Variants in TMPRSS11E observed in about 807,000 individuals in gnomAD.
The protein encoded by TMPRSS11E is transmembrane protease serine 11E.
In TMPRSS11E, 38 loss-of-function variants were observed where a neutral mutation model predicts 48.1. The observed-to-expected ratio is 0.79, with a 90% CI of 0.61 to 1.04. TMPRSS11E has a LOEUF of 1.04. Among genes scored for constraint, TMPRSS11E ranks in the 50% least tolerant of loss-of-function variants. The pLI is 0.00. For synonymous variants in TMPRSS11E, 158 were observed against 171.9 expected (o/e 0.92, Z 0.63); for missense variants, 530 against 510.8 (o/e 1.04, Z -0.36).
At chr4:68,476,133 A>G (rs1560554473) in intron 6 of TMPRSS11E, 128 bp from the exon 7 acceptor site, 3 of 1,233,444 alleles carry the variant, frequency 2.4e-6, no homozygotes, top group Non-Finnish European at 3.5e-6. Flanking sequence ...AGGTAAGAGC[A>G]TGAGAAAACA....
intron 9 of TMPRSS11E, among the ~76,000 whole-genome samples, chr4:68,479,737 A>G (rs1480652753): frequency 9.9e-5 from 15 of 151,934 alleles, no homozygotes; most frequent in Non-Finnish European, 2.1e-4. Flanking sequence ...TAATTTAGAA[A>G]ACATAAGAGG....
intron 4 of TMPRSS11E, 54 bp downstream of exon 4, chr4:68,469,000 G>T: frequency 7.8e-7 from 1 of 1,279,492 alleles, no homozygotes; most frequent in Admixed American, 1.8e-5. Context: ...CTGTTAATCT[G>T]CTCAGCAATA....
At chr4:68,458,577 A>C (rs1201500756) in intron 1 of TMPRSS11E, among the ~76,000 whole-genome samples, 6 of 152,186 alleles carry the variant, frequency 3.9e-5, no homozygotes, top group African/African-American at 1.4e-4. Context: ...GAGGAGGTTA[A>C]TTATACAAAC....
At position 68,452,233 on chromosome 4, in the gene TMPRSS11E, C is replaced by T. The variant is rs964899607; in HGVS notation, c.11+4710C>T. Among the ~76,000 whole-genome samples, 6 of 151,854 alleles carry T rather than the reference C, an allele frequency of 4.0e-5. No homozygotes were observed. The East Asian group carries it at 1.2e-3, about 29-fold the overall frequency. On this transcript the variant is annotated intron_variant, in intron 1 of 9. Transcript: ENST00000305363. ...AGAGTTAAATTAACACCGGTGGCTA[C>T]ATGACCCAAGACATATTATTGTTAT...
chr4:68,457,430 CA>C (rs1411007147), intron 1 of TMPRSS11E, among the ~76,000 whole-genome samples: 1 of 152,080 alleles, frequency 6.6e-6, no homozygotes, highest in Non-Finnish European at 1.5e-5. Context: ...GAAATAGGGA[CA>C]TTTTTACACT....
chr4:68,450,212 A>C (rs1484321176), intron 1 of TMPRSS11E, among the ~76,000 whole-genome samples: 1 of 151,878 alleles, frequency 6.6e-6, no homozygotes, highest in Non-Finnish European at 1.5e-5. Flanking sequence ...CCATATAACA[A>C]CTTTTAGTGA....
At position 68,463,042 on chromosome 4, in the gene TMPRSS11E, C is replaced by G. The variant is rs547397278; in HGVS notation, c.136+1097C>G. Among the ~76,000 whole-genome samples the G allele has an allele frequency of 3.9e-5, 6 of 152,218 alleles. No individual in the cohort carries two copies. The East Asian group carries it at 9.7e-4, about 25-fold the overall frequency. On this transcript the variant is annotated intron_variant, in intron 2 of 9. Transcript: ENST00000305363. ...ACTTGGATGTTCAAGGCACCGTAACCATAGAAGCTAATAACTTGATTCTAA... is the reference window on the plus strand; with the variant it reads ...ACTTGGATGTTCAAGGCACCGTAACGATAGAAGCTAATAACTTGATTCTAA...
At chr4:68,488,003 C>CT (rs1440908822) in intron 9 of TMPRSS11E, among the ~76,000 whole-genome samples, 1 of 147,730 alleles carries the variant, frequency 6.8e-6, no homozygotes, top group African/African-American at 2.5e-5. Flanking sequence ...TCTCTTTTGG[C>CT]TTATAAGGTT....
intron 2 of TMPRSS11E, among the ~76,000 whole-genome samples, chr4:68,465,745 C>G (rs1728909724): frequency 6.6e-6 from 1 of 152,100 alleles, no homozygotes; most frequent in African/African-American, 2.4e-5. Flanking sequence ...GTCTGCTTTC[C>G]TATAGTAACT....
At chr4:68,449,943 T>C (rs1367139955) in intron 1 of TMPRSS11E, among the ~76,000 whole-genome samples, 1 of 151,720 alleles carries the variant, frequency 6.6e-6, no homozygotes, top group Admixed American at 6.6e-5. Flanking sequence ...GAGGGGAAAC[T>C]GAGGGGGGAG....
chr4:68,471,413 TCTTC>T, intron 4 of TMPRSS11E, 43 bp from the exon 5 acceptor site: 1 of 955,120 alleles, frequency 1.0e-6, no homozygotes, highest in Non-Finnish European at 1.4e-6. Flanking sequence ...TGCCTTTCTT[TCTTC>T]TTTTCTTTTC....
At position 68,492,292 on chromosome 4, in the gene TMPRSS11E, C is replaced by T. The variant is rs1367949543; in HGVS notation, c.1111-4351C>T. On this transcript the variant is annotated intron_variant, in intron 9 of 9. Transcript: ENST00000305363. Reference sequence around the variant, plus strand: ...ACTCACTAAAATTTATTTGTAACCCCCAAATCAATACTCAAGGCACTTTTA... The same window carrying T: ...ACTCACTAAAATTTATTTGTAACCCTCAAATCAATACTCAAGGCACTTTTA... Among the ~76,000 whole-genome samples the T allele has an allele frequency of 2.0e-5, 3 of 152,136 alleles. No homozygotes were observed. The East Asian group carries it at 5.8e-4, about 29-fold the overall frequency.
At chr4:68,483,861 T>A (rs928547448) in intron 9 of TMPRSS11E, among the ~76,000 whole-genome samples, 3 of 152,210 alleles carry the variant, frequency 2.0e-5, no homozygotes, top group Admixed American at 6.5e-5. Context: ...GGCTAGCCAG[T>A]TATACCCAGC....
intron 1 of TMPRSS11E, among the ~76,000 whole-genome samples, chr4:68,456,553 A>G (rs1728637149): frequency 6.6e-6 from 1 of 152,000 alleles, no homozygotes; most frequent in East Asian, 1.9e-4. Flanking sequence ...GTCCTGTTCT[A>G]GAAAGTGTGA....
Position 68,472,273 on chromosome 4 carries a change from A to G in TMPRSS11E, c.490+650A>G, listed in dbSNP as rs1462138817. 2.6e-5 allele frequency among the ~76,000 whole-genome samples: 4 copies of G among 152,016 alleles called. No homozygotes were observed. In the East Asian group the frequency reaches 7.7e-4, roughly 29 times the overall value. On this transcript the variant is annotated intron_variant, in intron 5 of 9. Transcript: ENST00000305363. ...GTTACAGAACAATGAAGGTCTATAGAAATACTATCTGGGCACAAGTATAAT... is the reference window on the plus strand; with the variant it reads ...GTTACAGAACAATGAAGGTCTATAGGAATACTATCTGGGCACAAGTATAAT...
intron 3 of TMPRSS11E, among the ~76,000 whole-genome samples, chr4:68,468,327 C>T (rs1183738895): frequency 6.6e-6 from 1 of 152,024 alleles, no homozygotes; most frequent in Non-Finnish European, 1.5e-5. Context: ...GACTCTTTCA[C>T]TTTAGTAGAG....
At position 68,471,540 on chromosome 4, in the gene TMPRSS11E, A is replaced by G. The variant is rs1419382933; in HGVS notation, c.407A>G (p.Lys136Arg). 1.9e-6 allele frequency: 3 copies of G among 1,611,610 alleles called. No homozygotes were observed. The highest frequency in any genetic ancestry group is 1.7e-5 in the Admixed American group (1 of 59,594). ...ACTGAGGATCCTGAAACTGTAGATA[A>G]AATTGTTCAACTTGTTTTACATGAA... ...HSTEDPETVDKIVQLVLHEKL... is the reference protein window; with the variant it reads ...HSTEDPETVDRIVQLVLHEKL... Residue 136 changes from lysine to arginine, a missense_variant, in exon 5 of 10, where the codon AAA becomes AGA. By Grantham distance (26) the Lys-to-Arg change is conservative. Transcript: ENST00000305363.
chr4:68,493,714 C>T (rs138108250), intron 9 of TMPRSS11E, among the ~76,000 whole-genome samples: 36 of 152,212 alleles, frequency 2.4e-4, no homozygotes, highest in African/African-American at 7.2e-4. Flanking sequence ...TCTCAAGCTC[C>T]TGACCTCAGG....
chr4:68,491,299 C>CAAAAAAA (rs752361546), intron 9 of TMPRSS11E, among the ~76,000 whole-genome samples: 31 of 92,028 alleles, frequency 3.4e-4, no homozygotes, highest in South Asian at 5.1e-4. Context: ...ATATATGAAG[C>CAAAAAAA]AAAAAAAAAA....
Sources: gnomAD v4.1 joint callset for allele counts (sites outside exome capture counted in the v4.1 genomes callset) on GRCh38, gnomAD v4.1.1 for gene constraint, MANE v1.5 for transcripts, NCBI Gene and HGNC (gene_info 2026-07-23, HGNC 2026-07-21) for gene names.